Variants in MTUS2 observed in about 807,000 individuals in gnomAD.
MTUS2 encodes the protein microtubule-associated tumor suppressor candidate 2.
In MTUS2, 40 loss-of-function variants were observed where a neutral mutation model predicts 114.1. That is an observed-to-expected ratio of 0.35 (90% CI 0.27 to 0.46). The LOEUF (loss-of-function observed/expected upper bound fraction) is 0.46, where lower values mean the gene tolerates loss of function less well. Among genes scored for constraint, MTUS2 ranks in the 20% least tolerant of loss-of-function variants. The probability of loss-of-function intolerance (pLI) is 1.00; values close to 1 mark genes in which losing one functional copy is unlikely to be tolerated. For missense variants in MTUS2, 1,679 were observed against 1,705.4 expected, an observed-to-expected ratio of 0.98 and a Z score of 0.27; for synonymous variants, 688 against 672.0, an observed-to-expected ratio of 1.02 and a Z score of -0.37.
intron 4 of MTUS2, among the ~76,000 whole-genome samples, chr13:29,045,298 C>T (rs1019828524): frequency 6.6e-6 from 1 of 152,120 alleles, no homozygotes; most frequent in African/African-American, 2.4e-5. Flanking sequence ...GGTGAGGGCC[C>T]TCTTCTTTGT....
chr13:28,830,632 G>T (rs958957726), intron 1 of MTUS2, among the ~76,000 whole-genome samples: 1 of 151,994 alleles, frequency 6.6e-6, no homozygotes, highest in Non-Finnish European at 1.5e-5. Context: ...GGAATGAAGA[G>T]AAATGAACAG....
chr13:29,364,067 A>C (rs1258086762), intron 8 of MTUS2, among the ~76,000 whole-genome samples: 1 of 152,208 alleles, frequency 6.6e-6, no homozygotes, highest in East Asian at 1.9e-4. Flanking sequence ...TTATGATGCT[A>C]CTTCTCCCTC....
At chr13:29,205,971 T>C (rs1030579533) in intron 5 of MTUS2, among the ~76,000 whole-genome samples, 22 of 152,194 alleles carry the variant, frequency 1.4e-4, no homozygotes, top group Admixed American at 1.2e-3. Flanking sequence ...TTTAGTTCTT[T>C]AAGGAGTCTC....
At chr13:29,386,608 A>G (rs563453637) in intron 8 of MTUS2, among the ~76,000 whole-genome samples, 2 of 152,312 alleles carry the variant, frequency 1.3e-5, no homozygotes, top group East Asian at 1.9e-4. Context: ...GAGTCTAACC[A>G]AAGTTTGGTC....
Position 29,503,374 on chromosome 13 carries a change from G to C in MTUS2, c.*168G>C. The stretch of plus-strand genomic sequence containing the variant: ...CCCCGTGTAAGACTGCCCTGGTGTC[G>C]GCACTTAGGAATGTGTAAATGGTAA... On this transcript the variant is annotated 3_prime_UTR_variant, in exon 16 of 16. Transcript: ENST00000612955. 1 of 685,670 alleles carries C rather than the reference G, an allele frequency of 1.5e-6. No homozygotes were observed. The allele number at this position is 685,670 out of a possible 1,614,324, so 42.5% of individuals were successfully genotyped here. A position where few individuals can be genotyped will look rare whatever the true frequency, so the allele number is the denominator to read the frequency against.
chr13:29,341,108 C>T (rs554579367), intron 7 of MTUS2, among the ~76,000 whole-genome samples: 1 of 152,336 alleles, frequency 6.6e-6, no homozygotes, highest in African/African-American at 2.4e-5. Context: ...CTGCTCTACA[C>T]ATGTGTGTGC....
At chr13:29,455,833 T>C (rs963154552) in intron 9 of MTUS2, among the ~76,000 whole-genome samples, 1 of 151,826 alleles carries the variant, frequency 6.6e-6, no homozygotes, top group Non-Finnish European at 1.5e-5. Context: ...ATACAAAAAT[T>C]AGCTGGGCAT....
chr13:29,382,169 A>G (rs1053146164), intron 8 of MTUS2, among the ~76,000 whole-genome samples: 16 of 152,156 alleles, frequency 1.1e-4, no homozygotes, highest in Non-Finnish European at 8.8e-5. Flanking sequence ...GGTGAAGGGA[A>G]TGGGAGGAAC....
Position 28,865,651 on chromosome 13 carries a change from C to G in MTUS2, c.-243+25801C>G, listed in dbSNP as rs1877255361. 2.6e-5 allele frequency among the ~76,000 whole-genome samples: 4 copies of G among 152,256 alleles called. No individual in the cohort carries two copies. In the South Asian group the frequency reaches 6.2e-4, roughly 24 times the overall value. On this transcript the variant is annotated intron_variant, in intron 2 of 15. Transcript: ENST00000612955. ...AACTTGTCCTGTGTAACAGTCAGGG[C>G]TTTGGCTGATGGTGGAATCTTCTGC...
intron 2 of MTUS2, among the ~76,000 whole-genome samples, chr13:28,966,639 G>A (rs1009640422): frequency 4.7e-5 from 7 of 149,616 alleles, no homozygotes; most frequent in African/African-American, 1.7e-4. Context: ...GCAGGAGGAT[G>A]GCTTGAACCT....
chr13:29,303,908 A>G (rs1159132707), intron 6 of MTUS2, among the ~76,000 whole-genome samples: 1 of 152,242 alleles, frequency 6.6e-6, no homozygotes, highest in African/African-American at 2.4e-5. Flanking sequence ...TCACCTACAA[A>G]GGGAAACCCA....
chr13:28,872,715 G>A (rs911923558), intron 2 of MTUS2, among the ~76,000 whole-genome samples: 4 of 152,114 alleles, frequency 2.6e-5, no homozygotes, highest in Admixed American at 1.3e-4. Flanking sequence ...TCCTCTCCCC[G>A]GGGAGGGCAT....
intron 5 of MTUS2, among the ~76,000 whole-genome samples, chr13:29,163,015 C>G (rs1243867262): frequency 6.6e-6 from 1 of 151,774 alleles, no homozygotes; most frequent in African/African-American, 2.4e-5. Context: ...TGTGTGTGGG[C>G]ATGCATATAT....
intron 5 of MTUS2, among the ~76,000 whole-genome samples, chr13:29,158,358 C>CCCCCCCTCT: frequency 2.5e-4 from 8 of 32,054 alleles, no homozygotes; most frequent in African/African-American, 6.2e-4. Context: ...GTCCACCCCG[C>CCCCCCCTCT]TTTTTTTTTT....
chr13:29,202,477 GT>G (rs1894999408), intron 5 of MTUS2, among the ~76,000 whole-genome samples: 3 of 151,910 alleles, frequency 2.0e-5, no homozygotes, highest in African/African-American at 2.4e-5. Flanking sequence ...TAGGACATTG[GT>G]ATTACACACC....
At chr13:29,261,694 C>T (rs1316053499) in intron 5 of MTUS2, among the ~76,000 whole-genome samples, 1 of 152,198 alleles carries the variant, frequency 6.6e-6, no homozygotes, top group African/African-American at 2.4e-5. Context: ...ATTGGGTTCA[C>T]ATCAGATGGT....
intron 2 of MTUS2, among the ~76,000 whole-genome samples, chr13:28,884,204 A>G (rs1878455807): frequency 6.6e-6 from 1 of 152,214 alleles, no homozygotes; most frequent in Admixed American, 6.5e-5. Flanking sequence ...TATACATATG[A>G]TGGAATATTA....
rs143974385 is a variant in MTUS2 at position 29,034,215 on chromosome 13, C to T, written c.2446+90C>T. On this transcript the variant is annotated intron_variant, in intron 4 of 15. Coordinates refer to ENST00000612955, the MANE Select transcript of MTUS2 (RefSeq NM_001033602.4). ...TGATAATTGTCTAAAATATGAATGC[C>T]TTTCATCCTTTAAGGAGAGCCTTTT... The T allele has an allele frequency of 3.9e-6, 6 of 1,544,504 alleles. No homozygotes were observed. The Admixed American group carries it at 5.2e-5, about 13-fold the overall frequency.
intron 6 of MTUS2, among the ~76,000 whole-genome samples, chr13:29,317,660 C>G (rs9506135): frequency 0.9 from 28,982 of 32,234 alleles, 12,934 homozygotes; most frequent in Middle Eastern, 0.96. Flanking sequence ...GGATGGTCTC[C>G]ATCTCCTGAC....
Sources: gnomAD v4.1 joint callset for allele counts (sites outside exome capture counted in the v4.1 genomes callset) on GRCh38, gnomAD v4.1.1 for gene constraint, MANE v1.5 for transcripts, NCBI Gene and HGNC (gene_info 2026-07-23, HGNC 2026-07-21) for gene names.